The following ANTXR2 variants were observed in gnomAD, a reference collection of about 807,000 sequenced individuals.
ANTXR2 encodes the protein ANTXR cell adhesion molecule 2.
ANTXR2 carries 44 observed loss-of-function variants against 73.7 expected under a neutral mutation model. The observed-to-expected ratio is 0.60, with a 90% CI of 0.47 to 0.77. The LOEUF is 0.77. Among genes scored for constraint, ANTXR2 ranks in the 30% least tolerant of loss-of-function variants. The pLI, the probability that ANTXR2 is intolerant of heterozygous loss-of-function variation, is 0.00. For missense variants in ANTXR2, 604 were observed against 592.5 expected, an observed-to-expected ratio of 1.02 and a Z score of -0.20; for synonymous variants, 217 against 205.9, an observed-to-expected ratio of 1.05 and a Z score of -0.46.
chr4:79,972,920 T>TAAAAAAAAAA (rs746252575), intron 16 of ANTXR2, among the ~76,000 whole-genome samples: 6 of 53,172 alleles, frequency 1.1e-4, no homozygotes, highest in African/African-American at 8.9e-4. Flanking sequence ...TAGAGTATAA[T>TAAAAAAAAAA]AAAAAAAAAA....
At chr4:79,959,654 T>C (rs1381043926) in intron 16 of ANTXR2, among the ~76,000 whole-genome samples, 1 of 152,208 alleles carries the variant, frequency 6.6e-6, no homozygotes, top group African/African-American at 2.4e-5. Context: ...TGGGCCTCAG[T>C]TTAGATACAT....
At position 79,998,606 on chromosome 4, in the gene ANTXR2, G is replaced by T. The variant is rs116058089; in HGVS notation, c.1041+9915C>A. ...GATGAAAACATCCATAATTTCTGATGTCACTAACAATTCAAAACAGGATAA... is the reference window on the plus strand; with the variant it reads ...GATGAAAACATCCATAATTTCTGATTTCACTAACAATTCAAAACAGGATAA... On this transcript the variant is annotated intron_variant, in intron 12 of 16. Coordinates refer to ENST00000403729, the MANE Select transcript of ANTXR2 (RefSeq NM_058172.6). Among the ~76,000 whole-genome samples, 1,238 of 152,080 alleles carry T rather than the reference G, an allele frequency of 8.1e-3. 17 individuals carry two copies. The highest frequency in any genetic ancestry group is 0.029 in the African/African-American group (1,198 of 41,518).
chr4:80,020,579 TG>T (rs202193700), intron 10 of ANTXR2, among the ~76,000 whole-genome samples: 1 of 152,162 alleles, frequency 6.6e-6, no homozygotes, highest in African/African-American at 2.4e-5. Flanking sequence ...GTTTTACAGA[TG>T]GGGGGCAGGA....
intron 16 of ANTXR2, among the ~76,000 whole-genome samples, chr4:79,947,898 A>G (rs1043814125): frequency 1.4e-4 from 22 of 152,272 alleles, no homozygotes; most frequent in African/African-American, 4.6e-4. Context: ...CTGTTATAAA[A>G]TTATACTTTA....
At chr4:80,063,645 T>C (rs1209209697) in intron 3 of ANTXR2, among the ~76,000 whole-genome samples, 1 of 152,182 alleles carries the variant, frequency 6.6e-6, no homozygotes, top group Non-Finnish European at 1.5e-5. Flanking sequence ...GATTTTGTTT[T>C]CTTTTTATTT....
intron 7 of ANTXR2, among the ~76,000 whole-genome samples, chr4:80,052,576 C>CTT (rs1244770193): frequency 6.6e-6 from 1 of 151,664 alleles, no homozygotes; most frequent in East Asian, 1.9e-4. Context: ...ATAATTTACT[C>CTT]TTCCCTTTGT....
rs563597614 is a variant in ANTXR2 at position 80,029,264 on chromosome 4, T to C, written c.866+2359A>G. 9.2e-5 allele frequency among the ~76,000 whole-genome samples: 14 copies of C among 152,252 alleles called. No homozygotes were observed. The South Asian group carries it at 2.1e-3, about 23-fold the overall frequency. ...AGTGCCTGGGATAAAACAGGCATAA[T>C]GCATTTTATAACTACTTCAGAGAAG... On this transcript the variant is annotated intron_variant, in intron 10 of 16. Coordinates refer to ENST00000403729, the MANE Select transcript of ANTXR2 (RefSeq NM_058172.6).
At chr4:79,956,779 G>GCA (rs752856278) in intron 16 of ANTXR2, among the ~76,000 whole-genome samples, 3 of 151,580 alleles carry the variant, frequency 2.0e-5, no homozygotes, top group Admixed American at 1.3e-4. Flanking sequence ...ATGCATGCGC[G>GCA]CGCACACACA....
intron 9 of ANTXR2, among the ~76,000 whole-genome samples, chr4:80,033,209 T>C (rs1198118221): frequency 1.3e-5 from 2 of 152,028 alleles, no homozygotes; most frequent in Admixed American, 6.6e-5. Flanking sequence ...AGTAATTTCA[T>C]TCTTTTAGCC....
intron 12 of ANTXR2, among the ~76,000 whole-genome samples, chr4:79,990,230 AC>A (rs35263215): frequency 0.57 from 86,575 of 151,368 alleles, 27,100 homozygotes; most frequent in East Asian, 0.92. Flanking sequence ...TATTTAGAAA[AC>A]CCTAAATATT....
At chr4:80,056,071 A>T in intron 3 of ANTXR2, 58 bp from the exon 4 acceptor site, 1 of 1,220,184 alleles carries the variant, frequency 8.2e-7, no homozygotes, top group African/African-American at 1.6e-5. Context: ...AACAATAAAC[A>T]CTTCTTAAAA....
intron 12 of ANTXR2, 106 bp from the exon 13 acceptor site, chr4:79,984,969 G>C (rs988975690): frequency 7.7e-6 from 7 of 913,538 alleles, no homozygotes; most frequent in Admixed American, 2.6e-5. Context: ...CTCCAAAGAA[G>C]TCCCTCACTG....
rs1734313534 is a variant in ANTXR2, at chr4:80,062,592, G to A, written c.297-6579C>T. 2.0e-5 allele frequency among the ~76,000 whole-genome samples: 3 copies of A among 152,176 alleles called. No individual in the cohort carries two copies. The South Asian group carries it at 6.2e-4, about 32-fold the overall frequency. Reference sequence around the variant, plus strand: ...TGGCCAAAACAGACTTTTCAAAACAGGAGTAAATACTTGCCTAATGGAATT... The same window carrying A: ...TGGCCAAAACAGACTTTTCAAAACAAGAGTAAATACTTGCCTAATGGAATT... On this transcript the variant is annotated intron_variant, in intron 3 of 16. Coordinates refer to ENST00000403729, the MANE Select transcript of ANTXR2 (RefSeq NM_058172.6).
intron 10 of ANTXR2, among the ~76,000 whole-genome samples, chr4:80,027,430 T>A (rs1308433017): frequency 6.6e-6 from 1 of 152,152 alleles, no homozygotes; most frequent in Non-Finnish European, 1.5e-5. Context: ...TGCCACACTG[T>A]TCATCTCAAT....
chr4:79,909,644 CCAA>C (rs1477152115), intron 16 of ANTXR2, among the ~76,000 whole-genome samples: 1 of 121,522 alleles, frequency 8.2e-6, no homozygotes, highest in Non-Finnish European at 1.8e-5. Context: ...GATATAAGCA[CCAA>C]AAAAAAAAAA....
chr4:80,014,571 T>C (rs538336752), intron 11 of ANTXR2, among the ~76,000 whole-genome samples: 1 of 151,478 alleles, frequency 6.6e-6, no homozygotes, highest in African/African-American at 2.4e-5. Flanking sequence ...TCTCAAAAAA[T>C]ATATATATAT....
At chr4:80,009,677 T>C (rs1731475678) in intron 11 of ANTXR2, among the ~76,000 whole-genome samples, 1 of 151,648 alleles carries the variant, frequency 6.6e-6, no homozygotes, top group African/African-American at 2.4e-5. Context: ...TGAAACCCCA[T>C]CTCTACTAAA....
chr4:79,974,609 ATG>A, intron 16 of ANTXR2, among the ~76,000 whole-genome samples: 1 of 152,028 alleles, frequency 6.6e-6, no homozygotes, highest in South Asian at 2.1e-4. Flanking sequence ...TAATAGAAAA[ATG>A]TCTGAATAAT....
rs1159307292 is a variant in ANTXR2 at position 79,967,062 on chromosome 4, G to T, written c.1428+10559C>A. Among the ~76,000 whole-genome samples the T allele has an allele frequency of 2.8e-5, 2 of 72,370 alleles. 1 individual carries two copies. The highest frequency in any genetic ancestry group is 6.8e-5 in the Non-Finnish European group (2 of 29,540). 47.5% of individuals were successfully genotyped at this position (72,370 alleles called of 152,430 possible). On this transcript the variant is annotated intron_variant, in intron 16 of 16. Transcript: ENST00000403729. Reference sequence around the variant, plus strand: ...AGTGGGCGCAGGCCAGTGTGTGTGCGCACCGTGCGCGAGCCGAAGCAGGGC... The same window carrying T: ...AGTGGGCGCAGGCCAGTGTGTGTGCTCACCGTGCGCGAGCCGAAGCAGGGC...
Sources: gnomAD v4.1 joint callset for allele counts (sites outside exome capture counted in the v4.1 genomes callset) on GRCh38, gnomAD v4.1.1 for gene constraint, MANE v1.5 for transcripts, NCBI Gene and HGNC (gene_info 2026-07-23, HGNC 2026-07-21) for gene names.